The following PSMA1 variants were observed in gnomAD, a reference collection of about 807,000 sequenced individuals.
The protein encoded by PSMA1 is proteasome subunit alpha type-1.
Under a neutral mutation model 38.4 loss-of-function variants are expected in PSMA1, and 3 were observed. The ratio of observed to expected loss-of-function variants is 0.08; its 90% CI spans 0.04 to 0.20. The LOEUF (loss-of-function observed/expected upper bound fraction) is 0.20. PSMA1 is among the 10% of genes least tolerant of loss of function. The probability of loss-of-function intolerance (pLI) is 1.00; values close to 1 mark genes in which losing one functional copy is unlikely to be tolerated. For synonymous variants in PSMA1, 101 were observed against 107.1 expected (o/e 0.94, Z 0.35); for missense variants, 227 against 325.3 (o/e 0.70, Z 2.32).
intron 2 of PSMA1, among the ~76,000 whole-genome samples, chr11:14,586,101 C>T (rs953007418): frequency 6.6e-6 from 1 of 152,106 alleles, no homozygotes. Context: ...TGTTAACATC[C>T]CTCTGTCTAC....
intron 2 of PSMA1, among the ~76,000 whole-genome samples, chr11:14,558,249 C>CAAAAA (rs35509045): frequency 2.4e-4 from 19 of 77,974 alleles, no homozygotes; most frequent in South Asian, 1.1e-3. Flanking sequence ...CCCATCTGCA[C>CAAAAA]AAAAAAAAAA....
At chr11:14,633,812 C>T (rs1055633692) in intron 1 of PSMA1, among the ~76,000 whole-genome samples, 5 of 152,168 alleles carry the variant, frequency 3.3e-5, no homozygotes, top group Non-Finnish European at 2.9e-5. Flanking sequence ...TAGGACCCTC[C>T]GAGCCAGGTG....
chr11:14,569,731 C>T (rs1357970428), intron 2 of PSMA1, among the ~76,000 whole-genome samples: 1 of 152,182 alleles, frequency 6.6e-6, no homozygotes, highest in Non-Finnish European at 1.5e-5. Flanking sequence ...TGGGTGGAGC[C>T]CACCACAGCT....
At chr11:14,579,776 G>A (rs1852261638) in intron 2 of PSMA1, among the ~76,000 whole-genome samples, 1 of 152,100 alleles carries the variant, frequency 6.6e-6, no homozygotes, top group African/African-American at 2.4e-5. Flanking sequence ...GAATTTCAGA[G>A]CAAGAGGGGC....
chr11:14,563,031 C>G (rs991355462), intron 2 of PSMA1, among the ~76,000 whole-genome samples: 2 of 152,028 alleles, frequency 1.3e-5, no homozygotes, highest in African/African-American at 4.8e-5. Flanking sequence ...GGCTATGCAT[C>G]CAGTCTGATT....
intron 8 of PSMA1, 36 bp downstream of exon 8, chr11:14,510,836 A>C: frequency 1.4e-6 from 2 of 1,448,948 alleles, no homozygotes; most frequent in Non-Finnish European, 9.5e-7. Context: ...TTAAACTGTA[A>C]CGTTAATATC....
intron 2 of PSMA1, among the ~76,000 whole-genome samples, chr11:14,580,491 A>G (rs1394740122): frequency 6.6e-6 from 1 of 152,150 alleles, no homozygotes; most frequent in African/African-American, 2.4e-5. Context: ...CTGTGATTCT[A>G]AGTCACTCCA....
chr11:14,516,036 C>T (rs1304766403), intron 4 of PSMA1, among the ~76,000 whole-genome samples: 3 of 151,528 alleles, frequency 2.0e-5, no homozygotes, highest in Non-Finnish European at 2.9e-5. Context: ...ATGGTGAAAC[C>T]TCGTCTCTAC....
chr11:14,557,532 G>A (rs756982367), intron 2 of PSMA1, among the ~76,000 whole-genome samples: 5 of 152,268 alleles, frequency 3.3e-5, no homozygotes, highest in South Asian at 2.1e-4. Flanking sequence ...GTGAGCCAAC[G>A]TGCCTGGCCA....
intron 2 of PSMA1, among the ~76,000 whole-genome samples, chr11:14,563,536 A>G (rs547812195): frequency 2.0e-5 from 3 of 152,368 alleles, no homozygotes; most frequent in African/African-American, 7.2e-5. Context: ...TTTCTATGGT[A>G]TTAAAGACTG....
At chr11:14,548,992 A>G (rs1217209290) in intron 2 of PSMA1, among the ~76,000 whole-genome samples, 1 of 152,118 alleles carries the variant, frequency 6.6e-6, no homozygotes, top group Non-Finnish European at 1.5e-5. Flanking sequence ...TCAGTCTGAA[A>G]TCTGCTATGT....
intron 1 of PSMA1, among the ~76,000 whole-genome samples, chr11:14,642,475 G>A (rs963299796): frequency 1.3e-5 from 2 of 152,166 alleles, no homozygotes; most frequent in African/African-American, 4.8e-5. Context: ...AAATTCTTGT[G>A]CTAATTTCTT....
At chr11:14,633,091 C>G (rs1483760610) in intron 1 of PSMA1, among the ~76,000 whole-genome samples, 1 of 151,930 alleles carries the variant, frequency 6.6e-6, no homozygotes, top group Non-Finnish European at 1.5e-5. Flanking sequence ...AATGTCCTCC[C>G]ATAGCTCAGA....
chr11:14,571,051 T>C (rs914591442), intron 2 of PSMA1, among the ~76,000 whole-genome samples: 10 of 152,156 alleles, frequency 6.6e-5, no homozygotes, highest in Non-Finnish European at 1.3e-4. Flanking sequence ...GGGCCAATAG[T>C]CAACATTCTT....
intron 2 of PSMA1, among the ~76,000 whole-genome samples, chr11:14,529,533 C>T (rs958306642): frequency 1.3e-5 from 2 of 152,134 alleles, no homozygotes; most frequent in Non-Finnish European, 2.9e-5. Context: ...CTCCAGGTTT[C>T]CTTCCTTCTT....
intron 2 of PSMA1, among the ~76,000 whole-genome samples, chr11:14,593,194 C>T (rs888452025): frequency 1.3e-5 from 2 of 152,162 alleles, no homozygotes; most frequent in African/African-American, 4.8e-5. Flanking sequence ...AAAGAGCTTA[C>T]ATAGCTAGAA....
chr11:14,643,580 G>C (rs1198737965), exon 1 of PSMA1: 2 of 151,794 alleles, frequency 1.3e-5, no homozygotes, highest in Admixed American at 1.3e-4. Context: ...CGCTTTCCTC[G>C]GCCTGGGCAC....
upstream of PSMA1, chr11:14,520,419 G>A: frequency 6.2e-7 from 1 of 1,610,842 alleles, no homozygotes; most frequent in Non-Finnish European, 8.5e-7. Flanking sequence ...GGCGGCGCAG[G>A]GTAGCGCAGT....
Position 14,520,315 on chromosome 11 carries a change from C to T in PSMA1, c.-16G>A. The T allele has an allele frequency of 2.5e-6, 4 of 1,614,168 alleles. No individual in the cohort carries two copies. The highest frequency in any genetic ancestry group is 1.1e-5 in the South Asian group (1 of 91,084). On this transcript the variant is annotated 5_prime_UTR_variant, in exon 1 of 10. Transcript: ENST00000396394. ...AACGTACCATGGTGGCGGCGCGGGCCTGGTTGCGGCCTCCAGCAAAACTGA... is the reference window on the plus strand; with the variant it reads ...AACGTACCATGGTGGCGGCGCGGGCTTGGTTGCGGCCTCCAGCAAAACTGA...
Sources: gnomAD v4.1 joint callset for allele counts (sites outside exome capture counted in the v4.1 genomes callset) on GRCh38, gnomAD v4.1.1 for gene constraint, MANE v1.5 for transcripts, NCBI Gene and HGNC (gene_info 2026-07-23, HGNC 2026-07-21) for gene names.